ATXN2L: variants seen among roughly 807,000 people sequenced by gnomAD.
ATXN2L encodes the protein ataxin 2 like, also known as ataxin-2-like protein.
Under a neutral mutation model 120.7 loss-of-function variants are expected in ATXN2L, and 24 were observed. That is an observed-to-expected ratio of 0.20 (90% CI 0.14 to 0.28). ATXN2L has a LOEUF of 0.28. ATXN2L is among the 10% of genes least tolerant of loss of function. The pLI is 1.00. For synonymous variants in ATXN2L, 653 were observed against 568.1 expected (o/e 1.15, Z -2.13); for missense variants, 1,312 against 1,432.3 (o/e 0.92, Z 1.36).
intron 1 of ATXN2L, chr16:28,824,397 C>T (rs1292379157): frequency 8.6e-6 from 11 of 1,272,706 alleles, no homozygotes. Flanking sequence ...AGTGCGCAGG[C>T]GCAGACCGGG....
chr16:28,835,102 G>A lies in ATXN2L; in HGVS notation c.2478G>A (p.Thr826=), dbSNP rs200470389. ...TTCAGAGCAACCCACGCATGCTGAC[G>A]TCGGGCAGCCATCCCCAGGCCATCG... ...PMLQSNPRML[T]SGSHPQAIVS... Residue 826 remains threonine, a synonymous_variant, in exon 19 of 22, where the codon ACG becomes ACA. Coordinates refer to ENST00000336783, the MANE Select transcript of ATXN2L (RefSeq NM_007245.4). 22 of 1,613,828 alleles carry A rather than the reference G, an allele frequency of 1.4e-5. No individual in the cohort carries two copies. The highest frequency in any genetic ancestry group is 2.2e-5 in the East Asian group (1 of 44,866).
At chr16:28,830,557 C>A in intron 8 of ATXN2L, 58 bp from the exon 9 acceptor site, 1 of 1,483,510 alleles carries the variant, frequency 6.7e-7, no homozygotes, top group Non-Finnish European at 9.1e-7. Flanking sequence ...GAAATGGCTT[C>A]ATCTTTCCAA....
Position 28,836,779 on chromosome 16 carries a change from G to T in ATXN2L, c.*514G>T. The T allele has an allele frequency of 1.3e-5, 21 of 1,613,972 alleles. No individual in the cohort carries two copies. The highest frequency in any genetic ancestry group is 1.8e-5 in the Non-Finnish European group (21 of 1,179,988). ...CCCTTCCACCCCCCGGGGAACTGAA[G>T]ATTGTCCTGGCCGCGACCTGAGACC... On this transcript the variant is annotated 3_prime_UTR_variant, in exon 22 of 22. Transcript: ENST00000336783.
In ATXN2L at chr16:28,835,300, A is replaced by ACACCATGCCACACAG; in HGVS notation, c.2588_2602dup (p.His863_Gln867dup). 1.2e-6 allele frequency: 2 copies of ACACCATGCCACACAG among 1,613,518 alleles called. No individual in the cohort carries two copies. Among genetic ancestry groups the ACACCATGCCACACAG allele is most frequent in the Non-Finnish European group, 1.7e-6 (2 of 1,179,864 alleles). ...CAGCCACTGTTCACCAGTCCTACCC[A>ACACCATGCCACACAG]CACCATGCCACACAGCTCCATGCCC... On this transcript the variant is annotated inframe_insertion, in exon 20 of 22. Coordinates refer to ENST00000336783, the MANE Select transcript of ATXN2L (RefSeq NM_007245.4).
intron 10 of ATXN2L, 58 bp from the exon 11 acceptor site, chr16:28,832,147 T>A: frequency 6.3e-7 from 1 of 1,579,424 alleles, no homozygotes; most frequent in South Asian, 1.1e-5. Flanking sequence ...AGTAAGGCCC[T>A]TGTACTCACT....
intron 6 of ATXN2L, 61 bp from the exon 7 acceptor site, chr16:28,829,340 G>C: frequency 8.7e-7 from 1 of 1,154,386 alleles, no homozygotes. Flanking sequence ...CCTGATGGAA[G>C]GGAAGTGACT....
At chr16:28,829,594 G>A (rs768934308) in intron 7 of ATXN2L, 102 bp downstream of exon 7, 7 of 944,396 alleles carry the variant, frequency 7.4e-6, no homozygotes, top group Non-Finnish European at 1.2e-5. Context: ...TTTTTCTCTG[G>A]GTGTCCAGGG....
rs1003302759 is a variant in ATXN2L, at chr16:28,831,338, C to G, written c.1321+266C>G. On this transcript the variant is annotated intron_variant, in intron 10 of 21. Coordinates refer to ENST00000336783, the MANE Select transcript of ATXN2L (RefSeq NM_007245.4). ...AAGTTTTGTTTTGTTTTGTTTTTTT[C>G]TTTTTTTGAAACGGAGTCTTGCACT... Among the ~76,000 whole-genome samples the G allele has an allele frequency of 3.3e-5, 5 of 151,720 alleles. No homozygotes were observed. The South Asian group carries it at 1.0e-3, about 32-fold the overall frequency.
In ATXN2L at chr16:28,825,421, C is replaced by G. The variant is rs762635413; in HGVS notation, c.336+19C>G. 1 of 1,612,314 alleles carries G rather than the reference C, an allele frequency of 6.2e-7. No individual in the cohort carries two copies. Among genetic ancestry groups the G allele is most frequent in the African/African-American group, 1.3e-5 (1 of 74,830 alleles). On this transcript the variant is annotated intron_variant, in intron 2 of 21. Transcript: ENST00000336783. ...GTCACCTGTGAGTGTCTTCTCCCAC[C>G]CTGTTTAAGATACATAGACCTAAAA...
intron 10 of ATXN2L, among the ~76,000 whole-genome samples, chr16:28,831,397 A>G (rs1457438759): frequency 6.6e-6 from 1 of 151,960 alleles, no homozygotes; most frequent in African/African-American, 2.4e-5. Flanking sequence ...GCGCCATCTC[A>G]GCTCACTGCA....
chr16:28,824,138 G>A, intron 1 of ATXN2L: 1 of 1,019,278 alleles, frequency 9.8e-7, no homozygotes, highest in Non-Finnish European at 1.2e-6. Context: ...TGGCGCGCGC[G>A]CCCCCTTCCC....
chr16:28,826,301 G>T lies in ATXN2L; in HGVS notation c.527G>T (p.Arg176Leu). The T allele has an allele frequency of 1.9e-6, 3 of 1,614,192 alleles. No individual in the cohort carries two copies. Among genetic ancestry groups the T allele is most frequent in the Non-Finnish European group, 2.5e-6 (3 of 1,180,030 alleles). Residue 176 changes from arginine to leucine, a missense_variant, in exon 5 of 22, where the codon CGG becomes CTG. Physicochemically the swap from Arg to Leu is moderately radical, Grantham distance 102 (BLOSUM62 -2). Transcript: ENST00000336783. ...TCTGAGCCAGCAGGTGGCCCTCGTC[G>T]GGAGGACATTGTGGACACCATGGTG... ...KASEPAGGPR[R>L]EDIVDTMVFK...
At chr16:28,827,175 T>C (rs2052416274) in intron 6 of ATXN2L, among the ~76,000 whole-genome samples, 189 bp downstream of exon 6, 1 of 152,232 alleles carries the variant, frequency 6.6e-6, no homozygotes, top group South Asian at 2.1e-4. Flanking sequence ...GGCTCATGTT[T>C]GTAATCCCAG....
intron 1 of ATXN2L, chr16:28,824,639 T>C: frequency 8.6e-7 from 1 of 1,169,188 alleles, no homozygotes. Context: ...CTGCTGAAAA[T>C]GATTGTCTTT....
At chr16:28,826,607 C>T in intron 5 of ATXN2L, 1 of 598,892 alleles carries the variant, frequency 1.7e-6, no homozygotes, top group South Asian at 2.7e-5. Flanking sequence ...GAATTCCTGT[C>T]TGTGTTGTGG....
chr16:28,823,203 G>A lies in ATXN2L; in HGVS notation c.-57G>A. 1 of 1,185,162 alleles carries A rather than the reference G, an allele frequency of 8.4e-7. No homozygotes were observed. Among genetic ancestry groups the A allele is most frequent in the Non-Finnish European group, 1.1e-6 (1 of 928,652 alleles). 73.4% of individuals were successfully genotyped at this position (1,185,162 alleles called of 1,614,324 possible). A position where few individuals can be genotyped will look rare whatever the true frequency, so the allele number is the denominator to read the frequency against. On this transcript the variant is annotated 5_prime_UTR_variant, in exon 1 of 22. Transcript: ENST00000336783. The stretch of plus-strand genomic sequence containing the variant: ...TCCCGCGCTCTCCAGCGGGGCCCCA[G>A]CCCCGGCCCCCTCTCTCCCTCCCTT...
intron 6 of ATXN2L, among the ~76,000 whole-genome samples, chr16:28,827,228 T>C (rs1425423007): frequency 6.6e-6 from 1 of 151,748 alleles, no homozygotes; most frequent in Non-Finnish European, 1.5e-5. Flanking sequence ...GAGGCAAGGA[T>C]TTCGAGACCA....
chr16:28,833,115 A>G lies in ATXN2L; in HGVS notation c.1716A>G (p.Leu572=), dbSNP rs2055144645. ...NSLDPFPPRI[L]KEEPKGKEKE... ...TGGATCCTTTTCCTCCCCGGATCTT[A>G]AAGGAGGAGCCCAAAGGAAAGGAGA... Residue 572 remains leucine (L), a synonymous_variant, in exon 14 of 22, where the codon TTA becomes TTG. Transcript: ENST00000336783. 6.2e-7 allele frequency: 1 copy of G among 1,614,074 alleles called. No individual in the cohort carries two copies. The highest frequency in any genetic ancestry group is 1.3e-5 in the African/African-American group (1 of 74,936).
At chr16:28,831,561 C>G (rs903843170) in intron 10 of ATXN2L, among the ~76,000 whole-genome samples, 1 of 152,140 alleles carries the variant, frequency 6.6e-6, no homozygotes, top group African/African-American at 2.4e-5. Context: ...AACTCCTGAC[C>G]TTGTGATCCT....
Sources: allele counts gnomAD v4.1 joint callset (sites outside exome capture counted in the v4.1 genomes callset), GRCh38; gene constraint gnomAD v4.1.1; transcripts MANE v1.5; gene names NCBI Gene and HGNC (gene_info 2026-07-23, HGNC 2026-07-21).